Variants in ZNF578 observed in about 807,000 individuals in gnomAD.
The protein encoded by ZNF578 is zinc finger protein 578, also known as Putative chemokine-related protein B42.
In ZNF578, 8 loss-of-function variants were observed where a neutral mutation model predicts 8.3. That is an observed-to-expected ratio of 0.96 (90% confidence interval 0.56 to 1.74). ZNF578 has a LOEUF of 1.74. ZNF578 is among the 40% of genes most tolerant of loss of function. The pLI is 0.00. For synonymous variants in ZNF578, 206 were observed against 232.2 expected, an observed-to-expected ratio of 0.89 and a Z score of 1.03; for missense variants, 726 against 707.5, an observed-to-expected ratio of 1.03 and a Z score of -0.30.
chr19:52,475,646 C>T (rs1040231610), intron 2 of ZNF578, among the ~76,000 whole-genome samples: 5 of 152,284 alleles, frequency 3.3e-5, no homozygotes, highest in East Asian at 1.9e-4. Context: ...CGTGAGCCAC[C>T]GCGCCTGGCT....
rs1381374333 is a variant in ZNF578, at chr19:52,514,813, C to T, written c.*2659C>T. Among the ~76,000 whole-genome samples, 1 of 152,082 alleles carries T rather than the reference C, an allele frequency of 6.6e-6. No homozygotes were observed. The highest frequency in any genetic ancestry group is 2.1e-4 in the South Asian group (1 of 4,818). ...GAGGAGCTGGAATTACAGGCACCCA[C>T]CAGCACACCCAGCTAGTTTTTGTAT... On this transcript the variant is annotated 3_prime_UTR_variant, in exon 6 of 6. Transcript: ENST00000421239.
Position 52,514,047 on chromosome 19 carries a change from G to A in ZNF578, c.*1893G>A, listed in dbSNP as rs1226773147. 2.6e-5 allele frequency among the ~76,000 whole-genome samples: 4 copies of A among 152,014 alleles called. No homozygotes were observed. In the South Asian group the frequency reaches 6.2e-4, roughly 24 times the overall value. ...CTCAAACAAACAAATGAAAAAAACA[G>A]ACATCAAAAATGCTTTTGTTCTCGT... On this transcript the variant is annotated 3_prime_UTR_variant, in exon 6 of 6. Transcript: ENST00000421239.
At chr19:52,486,419 T>C (rs1050104085) in intron 2 of ZNF578, among the ~76,000 whole-genome samples, 2 of 152,174 alleles carry the variant, frequency 1.3e-5, no homozygotes, top group African/African-American at 2.4e-5. Flanking sequence ...CTCTATACTT[T>C]GTCTCTTTCT....
Position 52,501,908 on chromosome 19 carries a change from G to A in ZNF578, c.63G>A (p.Gln21=). The A allele has an allele frequency of 2.5e-6, 4 of 1,612,850 alleles. No homozygotes were observed. The highest frequency in any genetic ancestry group is 3.4e-6 in the Non-Finnish European group (4 of 1,179,644). Residue 21 remains glutamine (Q), a splice_region_variant and synonymous_variant, in exon 4 of 6, where the codon CAG becomes CAA. Coordinates refer to ENST00000421239, the MANE Select transcript of ZNF578 (RefSeq NM_001099694.2). ...AGGAGCCAGGCATGGCTCTTCCTCA[G>A]GTGAAGTGATATTCCTCTGTGGATT... is the stretch of plus-strand genomic sequence containing the variant. The part of the protein sequence containing the change: ...KGKEPGMALP[Q]GRLTFRDVAI...
chr19:52,490,366 A>G (rs1231073193), intron 2 of ZNF578, among the ~76,000 whole-genome samples: 1 of 152,186 alleles, frequency 6.6e-6, no homozygotes, highest in Non-Finnish European at 1.5e-5. Flanking sequence ...TTCAGTTCTT[A>G]CAGTGTGTGC....
chr19:52,473,246 GA>G (rs1369715954), intron 2 of ZNF578: 1 of 153,522 alleles, frequency 6.5e-6, no homozygotes, highest in Non-Finnish European at 1.5e-5. Context: ...ACTGTCTCAT[GA>G]ATTAATTATC....
chr19:52,481,485 TATA>T (rs779711255), intron 2 of ZNF578, among the ~76,000 whole-genome samples: 6 of 152,256 alleles, frequency 3.9e-5, no homozygotes, highest in Non-Finnish European at 8.8e-5. Flanking sequence ...GTGTATATAA[TATA>T]ATAATTAAAA....
rs2059460716 is a variant in ZNF578, at chr19:52,513,744, AAAG to A, written c.*1592_*1594del. On this transcript the variant is annotated 3_prime_UTR_variant, in exon 6 of 6. Transcript: ENST00000421239. ...GAGTCTGTCTCAAAAAAAAAAAAAAAAAGATATCAAACCCGGGGTGTCTCATCC... is the reference window on the plus strand; with the variant it reads ...GAGTCTGTCTCAAAAAAAAAAAAAAAATATCAAACCCGGGGTGTCTCATCC... Among the ~76,000 whole-genome samples, 1 of 151,568 alleles carries A rather than the reference AAAG, an allele frequency of 6.6e-6. No homozygotes were observed. The highest frequency in any genetic ancestry group is 1.5e-5 in the Non-Finnish European group (1 of 67,898).
chr19:52,462,981 C>G (rs955984118), intron 2 of ZNF578, among the ~76,000 whole-genome samples: 2 of 152,168 alleles, frequency 1.3e-5, no homozygotes, highest in African/African-American at 4.8e-5. Context: ...TGCTCAGCTG[C>G]TGTAGTAACC....
chr19:52,474,405 A>C (rs1386349188), intron 2 of ZNF578: 3 of 298,260 alleles, frequency 1.0e-5, no homozygotes, highest in Non-Finnish European at 2.1e-5. Flanking sequence ...TTACATTTGT[A>C]AGGTTTCTCT....
At chr19:52,479,611 T>A (rs1047854133) in intron 2 of ZNF578, among the ~76,000 whole-genome samples, 1 of 149,980 alleles carries the variant, frequency 6.7e-6, no homozygotes, top group Non-Finnish European at 1.5e-5. Flanking sequence ...GCACTGACCA[T>A]AGAGATTCCA....
At position 52,516,488 on chromosome 19, in the gene ZNF578, T is replaced by C. The variant is rs1269691985; in HGVS notation, c.*4334T>C. 6.6e-6 allele frequency among the ~76,000 whole-genome samples: 1 copy of C among 152,194 alleles called. No homozygotes were observed. The highest frequency in any genetic ancestry group is 2.4e-5 in the African/African-American group (1 of 41,436). Reference sequence around the variant, plus strand: ...TTTGCTCAGGGTGAGGTCTCCTTTGTGTCAGGCCTCTGAGCCCAAGCTAAG... The same window carrying C: ...TTTGCTCAGGGTGAGGTCTCCTTTGCGTCAGGCCTCTGAGCCCAAGCTAAG... On this transcript the variant is annotated 3_prime_UTR_variant, in exon 6 of 6. Coordinates refer to ENST00000421239, the MANE Select transcript of ZNF578 (RefSeq NM_001099694.2).
At chr19:52,482,498 C>T (rs896355211) in intron 2 of ZNF578, among the ~76,000 whole-genome samples, 3 of 151,502 alleles carry the variant, frequency 2.0e-5, no homozygotes, top group African/African-American at 4.8e-5. Flanking sequence ...CTTAGCCGGG[C>T]GTGGTGGCAG....
chr19:52,508,760 A>C lies in ZNF578; in HGVS notation c.191-1812A>C, dbSNP rs1355135274. On this transcript the variant is annotated intron_variant, in intron 5 of 5. Coordinates refer to ENST00000421239, the MANE Select transcript of ZNF578 (RefSeq NM_001099694.2). ...TGGTGAGCTGATATTGCATCATTGC[A>C]CTGCAGCCTGGGCAACAAGAGTGGA... Among the ~76,000 whole-genome samples the C allele has an allele frequency of 5.7e-4, 86 of 151,156 alleles. 1 individual carries two copies. The highest frequency in any genetic ancestry group is 5.9e-5 in the Non-Finnish European group (4 of 67,810).
chr19:52,461,686 C>T (rs2059258414), intron 2 of ZNF578, among the ~76,000 whole-genome samples: 2 of 152,040 alleles, frequency 1.3e-5, no homozygotes, highest in Admixed American at 6.6e-5. Context: ...TATTTCTGAC[C>T]ATCAACATGA....
In ZNF578 at chr19:52,469,167, G is replaced by GTTTTT. The variant is rs3054902; in HGVS notation, c.-122+12218_-122+12222dup. 1.5e-3 allele frequency among the ~76,000 whole-genome samples: 191 copies of GTTTTT among 130,612 alleles called. 7 individuals carry two copies. Among genetic ancestry groups the GTTTTT allele is most frequent in the Middle Eastern group, 4.1e-3 (1 of 246 alleles). The allele number at this position is 130,612 out of a possible 152,430, so 85.7% of individuals were successfully genotyped here. A position where few individuals can be genotyped will look rare whatever the true frequency, so the allele number is the denominator to read the frequency against. ...TTGGTACCTGGAGTGGTTTTTTTTTGTTTTTTTTTTTTTGACAGGGTCTCA... is the reference window on the plus strand; with the variant it reads ...TTGGTACCTGGAGTGGTTTTTTTTTGTTTTTTTTTTTTTTTTTTGACAGGGTCTCA... On this transcript the variant is annotated intron_variant, in intron 2 of 5. Transcript: ENST00000421239.
intron 2 of ZNF578, among the ~76,000 whole-genome samples, chr19:52,484,234 C>T (rs1272609228): frequency 6.6e-6 from 1 of 152,206 alleles, no homozygotes; most frequent in Non-Finnish European, 1.5e-5. Context: ...CACCTCCAGC[C>T]CTAAGGCGGT....
intron 1 of ZNF578, chr19:52,455,592 C>T (rs1447434004): frequency 6.6e-6 from 1 of 152,162 alleles, no homozygotes; most frequent in African/African-American, 2.4e-5. Context: ...ATTCTGTGTC[C>T]AGTTGTCTCC....
intron 2 of ZNF578, among the ~76,000 whole-genome samples, chr19:52,459,644 CACACACAT>C (rs989702316): frequency 7.6e-6 from 1 of 131,846 alleles, no homozygotes; most frequent in African/African-American, 3.1e-5. Flanking sequence ...CACACACACA[CACACACAT>C]ATATATACTA....
Sources: gnomAD v4.1 joint callset for allele counts (sites outside exome capture counted in the v4.1 genomes callset) on GRCh38, gnomAD v4.1.1 for gene constraint, MANE v1.5 for transcripts, NCBI Gene and HGNC (gene_info 2026-07-23, HGNC 2026-07-21) for gene names.